TTC39B: variants seen among roughly 807,000 people sequenced by gnomAD.
TTC39B encodes tetratricopeptide repeat protein 39B.
TTC39B carries 92 observed loss-of-function variants against 96.6 expected under a neutral mutation model. The ratio of observed to expected loss-of-function variants is 0.95; its 90% CI spans 0.80 to 1.13. The LOEUF (loss-of-function observed/expected upper bound fraction) is 1.13, where lower values mean the gene tolerates loss of function less well. Among genes scored for constraint, TTC39B ranks in the 50% most tolerant of loss-of-function variants. The pLI, the probability that TTC39B is intolerant of heterozygous loss-of-function variation, is 0.00. For missense variants in TTC39B, 955 were observed against 809.3 expected (o/e 1.18, Z -2.18); for synonymous variants, 367 against 299.4 (o/e 1.23, Z -2.33).
chr9:15,289,271 T>C (rs1461457756), intron 1 of TTC39B, among the ~76,000 whole-genome samples: 1 of 152,242 alleles, frequency 6.6e-6, no homozygotes, highest in East Asian at 1.9e-4. Flanking sequence ...TACCAAAATG[T>C]TCAATATGGC....
intron 2 of TTC39B, among the ~76,000 whole-genome samples, chr9:15,263,381 A>G (rs1312673560): frequency 6.6e-6 from 1 of 152,184 alleles, no homozygotes; most frequent in African/African-American, 2.4e-5. Flanking sequence ...GAAACTGCCC[A>G]GGCCTCCCAG....
chr9:15,267,868 C>A (rs1385124102), intron 2 of TTC39B, 46 bp downstream of exon 2: 1 of 1,506,470 alleles, frequency 6.6e-7, no homozygotes, highest in South Asian at 1.2e-5. Context: ...GTAAGACAAC[C>A]ATCAATTTTT....
In TTC39B at chr9:15,191,173, T is replaced by A. The variant is rs1351022992; in HGVS notation, c.996+17A>T. The A allele has an allele frequency of 6.4e-7, 1 of 1,560,690 alleles. No homozygotes were observed. The highest frequency in any genetic ancestry group is 1.7e-5 in the Admixed American group (1 of 58,686). On this transcript the variant is annotated intron_variant, in intron 10 of 19. Coordinates refer to ENST00000512701, the Ensembl canonical transcript of TTC39B. ...CTTATCTTCCCTGTCAAAATTAACA[T>A]AAAATTAAATTTGTACCCTATTCCC...
chr9:15,214,140 A>T, exon 4 of TTC39B: 1 of 1,609,116 alleles, frequency 6.2e-7, no homozygotes, highest in Non-Finnish European at 8.5e-7. Context: ...GTAAATTACC[A>T]GGGGCGAAGC....
At chr9:15,254,165 TAA>T (rs76887121) in intron 2 of TTC39B, among the ~76,000 whole-genome samples, 2 of 145,170 alleles carry the variant, frequency 1.4e-5, no homozygotes, top group African/African-American at 2.5e-5. Flanking sequence ...AAACCAGCAT[TAA>T]AAAAAAAAAG....
At chr9:15,277,352 C>A (rs12345046) in intron 1 of TTC39B, among the ~76,000 whole-genome samples, 20,704 of 152,152 alleles carry the variant, frequency 0.14, 2,332 homozygotes, top group African/African-American at 0.31. Flanking sequence ...TGCTTGAACC[C>A]GGGAGGCAGC....
At chr9:15,273,745 A>G (rs919514768) in intron 1 of TTC39B, among the ~76,000 whole-genome samples, 1 of 152,136 alleles carries the variant, frequency 6.6e-6, no homozygotes, top group Non-Finnish European at 1.5e-5. Flanking sequence ...TGACCAATGA[A>G]GCTGTGTGTT....
chr9:15,246,035 C>G (rs1376772473), intron 2 of TTC39B, among the ~76,000 whole-genome samples: 1 of 152,136 alleles, frequency 6.6e-6, no homozygotes, highest in Non-Finnish European at 1.5e-5. Flanking sequence ...GGGCAGATCA[C>G]CTGAGGTCAG....
intron 19 of TTC39B, among the ~76,000 whole-genome samples, chr9:15,173,035 T>C (rs574933858): frequency 7.9e-5 from 12 of 152,334 alleles, no homozygotes; most frequent in African/African-American, 2.9e-4. Flanking sequence ...CTGGGAAGTA[T>C]CTTTATGTTT....
chr9:15,163,874 G>A (rs1192809884), exon 20 of TTC39B: 1 of 152,100 alleles, frequency 6.6e-6, no homozygotes, highest in Non-Finnish European at 1.5e-5. Flanking sequence ...GTAAAAACAG[G>A]CTACAGGAAT....
At chr9:15,199,528 G>T (rs1005649279) in intron 8 of TTC39B, among the ~76,000 whole-genome samples, 3 of 151,740 alleles carry the variant, frequency 2.0e-5, no homozygotes, top group Non-Finnish European at 4.4e-5. Context: ...GAGGTCAGGA[G>T]ATCGAGACCA....
rs75842141 is a variant in TTC39B at position 15,210,624 on chromosome 9, C to G, written c.615-460G>C. On this transcript the variant is annotated intron_variant, in intron 5 of 19. Coordinates refer to ENST00000512701, the Ensembl canonical transcript of TTC39B. ...TGCCCTAGTCCTATGGGGGGCACATCAAGCAATTGACAGCAACAGGGGTCA... is the reference window on the plus strand; with the variant it reads ...TGCCCTAGTCCTATGGGGGGCACATGAAGCAATTGACAGCAACAGGGGTCA... Among the ~76,000 whole-genome samples the G allele has an allele frequency of 2.6e-3, 398 of 152,304 alleles. 1 individual carries two copies. The highest frequency in any genetic ancestry group is 4.3e-3 in the Non-Finnish European group (290 of 68,020).
intron 8 of TTC39B, among the ~76,000 whole-genome samples, chr9:15,199,473 C>T (rs1210129424): frequency 6.6e-6 from 1 of 151,984 alleles, no homozygotes; most frequent in African/African-American, 2.4e-5. Context: ...CGGTGGCTCA[C>T]GCGTGTAATC....
At chr9:15,200,662 G>C (rs979354998) in intron 7 of TTC39B, among the ~76,000 whole-genome samples, 1 of 152,206 alleles carries the variant, frequency 6.6e-6, no homozygotes, top group African/African-American at 2.4e-5. Flanking sequence ...ACAGTCCTAC[G>C]TTTTGCATAT....
chr9:15,242,545 T>C (rs1439831958), intron 2 of TTC39B, among the ~76,000 whole-genome samples: 1 of 152,044 alleles, frequency 6.6e-6, no homozygotes, highest in Non-Finnish European at 1.5e-5. Context: ...ATCATGTCAC[T>C]ACACTCCAAC....
At position 15,247,355 on chromosome 9, in the gene TTC39B, T is replaced by A. The variant is rs370526859; in HGVS notation, c.275+20559A>T. ...ATTCTAAGGAAGAACATTCTAACAG[T>A]CATTCAGAAAGGAAATGGACAAATG... On this transcript the variant is annotated intron_variant, in intron 2 of 19. Transcript: ENST00000512701. Among the ~76,000 whole-genome samples the A allele has an allele frequency of 1.0e-3, 155 of 152,286 alleles. 1 individual carries two copies. Among genetic ancestry groups the A allele is most frequent in the African/African-American group, 2.8e-3 (115 of 41,564 alleles).
chr9:15,237,909 T>A (rs746527554), intron 2 of TTC39B, among the ~76,000 whole-genome samples: 27 of 152,090 alleles, frequency 1.8e-4, no homozygotes, highest in Non-Finnish European at 3.1e-4. Context: ...GCAAACTGAA[T>A]CCAACACACA....
chr9:15,194,128 C>T (rs555709640), intron 8 of TTC39B, among the ~76,000 whole-genome samples: 181 of 151,996 alleles, frequency 1.2e-3, no homozygotes, highest in Middle Eastern at 6.8e-3. Flanking sequence ...ATCTGAGTGA[C>T]GATTTACAAT....
chr9:15,201,322 T>G (rs947632006), intron 7 of TTC39B, among the ~76,000 whole-genome samples: 1 of 151,478 alleles, frequency 6.6e-6, no homozygotes, highest in Non-Finnish European at 1.5e-5. Context: ...TAATGCCTAT[T>G]TTATACCAGG....
Sources: gnomAD v4.1 joint callset for allele counts (sites outside exome capture counted in the v4.1 genomes callset) on GRCh38, gnomAD v4.1.1 for gene constraint, MANE v1.5 for transcripts, NCBI Gene and HGNC (gene_info 2026-07-23, HGNC 2026-07-21) for gene names.